The following SEZ6L variants were observed in gnomAD, a reference collection of about 807,000 sequenced individuals.
SEZ6L encodes seizure 6-like protein.
In SEZ6L, 37 loss-of-function variants were observed where a neutral mutation model predicts 106.2. That is an observed-to-expected ratio of 0.35 (90% confidence interval 0.27 to 0.46). SEZ6L has a LOEUF of 0.46. Among genes scored for constraint, SEZ6L ranks in the 20% least tolerant of loss-of-function variants. The pLI is 1.00. For synonymous variants in SEZ6L, 541 were observed against 570.4 expected (o/e 0.95, Z 0.73); for missense variants, 1,172 against 1,332.8 (o/e 0.88, Z 1.88).
At chr22:26,210,761 C>T (rs1258560555) in intron 1 of SEZ6L, among the ~76,000 whole-genome samples, 1 of 152,102 alleles carries the variant, frequency 6.6e-6, no homozygotes, top group Non-Finnish European at 1.5e-5. Flanking sequence ...GAAGAGAGTC[C>T]ACAAGCCAAA....
intron 1 of SEZ6L, among the ~76,000 whole-genome samples, chr22:26,245,924 C>T (rs546468934): frequency 6.8e-4 from 103 of 152,274 alleles, no homozygotes; most frequent in African/African-American, 2.3e-3. Flanking sequence ...CTACAAAGGG[C>T]AATGATGATG....
At chr22:26,350,125 C>A (rs2083223159) in intron 11 of SEZ6L, among the ~76,000 whole-genome samples, 1 of 151,188 alleles carries the variant, frequency 6.6e-6, no homozygotes, top group Non-Finnish European at 1.5e-5. Flanking sequence ...CAATATGCAA[C>A]CTTATACATA....
At chr22:26,174,810 A>G (rs929190530) in intron 1 of SEZ6L, among the ~76,000 whole-genome samples, 2 of 152,196 alleles carry the variant, frequency 1.3e-5, no homozygotes, top group Non-Finnish European at 1.5e-5. Context: ...TTACTAGAAC[A>G]TGGCAAGGAC....
At chr22:26,253,853 TG>T (rs1232377310) in intron 1 of SEZ6L, 1 of 152,124 alleles carries the variant, frequency 6.6e-6, no homozygotes, top group Non-Finnish European at 1.5e-5. Context: ...CTGGGACAGG[TG>T]ATAATGAGGA....
chr22:26,322,375 T>C (rs582872), intron 9 of SEZ6L, among the ~76,000 whole-genome samples: 151,649 of 152,310 alleles, frequency 1, 75,497 homozygotes, highest in Middle Eastern at 1. Context: ...CTCGGCAATG[T>C]AGCAGCGACA....
chr22:26,199,262 G>T (rs576400642), intron 1 of SEZ6L, among the ~76,000 whole-genome samples: 1 of 152,128 alleles, frequency 6.6e-6, no homozygotes, highest in African/African-American at 2.4e-5. Flanking sequence ...CATACCCAGC[G>T]CTCAAAGAAC....
At chr22:26,310,525 A>T in intron 6 of SEZ6L, 145 bp from the exon 7 acceptor site, 1 of 864,674 alleles carries the variant, frequency 1.2e-6, no homozygotes, top group Non-Finnish European at 1.7e-6. Context: ...AACAAGAGTG[A>T]AACTCTGTCA....
chr22:26,195,345 G>A (rs1361981717), intron 1 of SEZ6L, among the ~76,000 whole-genome samples: 1 of 152,208 alleles, frequency 6.6e-6, no homozygotes, highest in Non-Finnish European at 1.5e-5. Context: ...AGGAAGCTTA[G>A]TTCTCATTTC....
intron 1 of SEZ6L, among the ~76,000 whole-genome samples, chr22:26,184,944 C>T (rs1939672302): frequency 6.6e-6 from 1 of 152,070 alleles, no homozygotes; most frequent in Non-Finnish European, 1.5e-5. Context: ...ATTAGCCAGG[C>T]ATGAAGGCAT....
chr22:26,341,470 T>C (rs994314526), intron 10 of SEZ6L, among the ~76,000 whole-genome samples: 49 of 152,166 alleles, frequency 3.2e-4, no homozygotes, highest in African/African-American at 1.2e-3. Context: ...CTGTATCCTC[T>C]CTTCCAGCTA....
intron 1 of SEZ6L, among the ~76,000 whole-genome samples, chr22:26,247,918 C>A (rs12168406): frequency 6.6e-6 from 1 of 152,130 alleles, no homozygotes; most frequent in Non-Finnish European, 1.5e-5. Flanking sequence ...ACACCATCAC[C>A]GTTAGAACCC....
chr22:26,282,955 C>G (rs2080819693), intron 1 of SEZ6L, among the ~76,000 whole-genome samples: 1 of 152,122 alleles, frequency 6.6e-6, no homozygotes. Flanking sequence ...GAGTCTCTCC[C>G]TGTCGCCCAG....
chr22:26,323,424 G>A (rs1028651649), intron 9 of SEZ6L, among the ~76,000 whole-genome samples: 1 of 152,286 alleles, frequency 6.6e-6, no homozygotes, highest in African/African-American at 2.4e-5. Context: ...CTTGAGCCCA[G>A]GAGTTCAAGA....
intron 1 of SEZ6L, among the ~76,000 whole-genome samples, chr22:26,278,578 A>G (rs1305714962): frequency 6.6e-6 from 1 of 152,132 alleles, no homozygotes; most frequent in Admixed American, 6.6e-5. Flanking sequence ...CACTTAGGAT[A>G]TGCCTCCAGC....
intron 1 of SEZ6L, among the ~76,000 whole-genome samples, chr22:26,268,785 C>T (rs1042350987): frequency 4.6e-5 from 7 of 152,314 alleles, no homozygotes; most frequent in Admixed American, 2.0e-4. Flanking sequence ...AAATTTCTCC[C>T]GACATTGCCA....
chr22:26,200,562 G>C (rs916767144), intron 1 of SEZ6L, among the ~76,000 whole-genome samples: 1 of 152,210 alleles, frequency 6.6e-6, no homozygotes, highest in Non-Finnish European at 1.5e-5. Flanking sequence ...GTCCCTATGT[G>C]AGAAGGGGTG....
intron 1 of SEZ6L, among the ~76,000 whole-genome samples, chr22:26,222,871 G>A (rs1031204538): frequency 1.3e-5 from 2 of 152,066 alleles, no homozygotes; most frequent in Non-Finnish European, 2.9e-5. Flanking sequence ...GGAGATATCT[G>A]ACAATGTCTG....
At chr22:26,197,203 A>C (rs896785306) in intron 1 of SEZ6L, among the ~76,000 whole-genome samples, 1 of 152,054 alleles carries the variant, frequency 6.6e-6, no homozygotes, top group African/African-American at 2.4e-5. Context: ...CTCCGACTAG[A>C]ATGGAAGGTC....
intron 1 of SEZ6L, among the ~76,000 whole-genome samples, chr22:26,198,682 C>T (rs1940741274): frequency 6.6e-6 from 1 of 152,208 alleles, no homozygotes; most frequent in South Asian, 2.1e-4. Context: ...ACTGTGGCCT[C>T]ACATAGCAAT....
Sources: allele counts gnomAD v4.1 joint callset (sites outside exome capture counted in the v4.1 genomes callset), GRCh38; gene constraint gnomAD v4.1.1; transcripts MANE v1.5; gene names NCBI Gene and HGNC (gene_info 2026-07-23, HGNC 2026-07-21).